The following WDR27 variants were observed in gnomAD, a reference collection of about 807,000 sequenced individuals.
WDR27 encodes the protein WD repeat-containing protein 27.
A neutral mutation model predicts 114.4 loss-of-function variants in WDR27; 100 were observed. That is an observed-to-expected ratio of 0.87 (90% CI 0.74 to 1.03). The LOEUF is 1.03. WDR27 is among the 50% of genes least tolerant of loss of function. The probability of loss-of-function intolerance (pLI) is 0.00; values close to 1 mark genes in which losing one functional copy is unlikely to be tolerated. For missense variants in WDR27, 1,129 were observed against 1,092.9 expected (o/e 1.03, Z -0.47); for synonymous variants, 449 against 423.1 (o/e 1.06, Z -0.75).
chr6:169,668,222 G>A (rs1178526466), intron 4 of WDR27, 37 bp from the exon 5 acceptor site: 2 of 1,604,444 alleles, frequency 1.2e-6, no homozygotes, highest in South Asian at 1.1e-5. Flanking sequence ...CTCTGTTCAA[G>A]CTGGAATTCT....
chr6:169,450,276 G>C, the WDR27 span, among the ~76,000 whole-genome samples: 1 of 147,192 alleles, frequency 6.8e-6, no homozygotes, highest in Non-Finnish European at 1.5e-5. Context: ...CCAGGCAGCA[G>C]GGAGCCCTGG....
intron 23 of WDR27, among the ~76,000 whole-genome samples, chr6:169,592,560 T>A (rs139448351): frequency 9.7e-4 from 148 of 152,340 alleles, no homozygotes; most frequent in Middle Eastern, 3.4e-3. Context: ...AATCTTTCAC[T>A]TAATTATTTT....
At chr6:169,488,109 T>C (rs954855187) in intron 25 of WDR27, among the ~76,000 whole-genome samples, 1 of 152,168 alleles carries the variant, frequency 6.6e-6, no homozygotes, top group Admixed American at 6.5e-5. Context: ...TTTATTAACA[T>C]GGCATAAAGG....
At chr6:169,473,722 C>CAGT (rs1405135826) in intron 25 of WDR27, among the ~76,000 whole-genome samples, 1 of 152,104 alleles carries the variant, frequency 6.6e-6, no homozygotes, top group Non-Finnish European at 1.5e-5. Flanking sequence ...CAAGAATCAC[C>CAGT]AGTACTTCCT....
chr6:169,546,245 GCCCAGCAA>G, intron 25 of WDR27, among the ~76,000 whole-genome samples: 1 of 152,144 alleles, frequency 6.6e-6, no homozygotes. Context: ...ACAAGCAACT[GCCCAGCAA>G]CCCAGCAACT....
At chr6:169,700,090 T>C (rs1035780606) in intron 1 of WDR27, among the ~76,000 whole-genome samples, 5 of 152,204 alleles carry the variant, frequency 3.3e-5, no homozygotes, top group South Asian at 4.1e-4. Context: ...AAAACTGCTA[T>C]AGACCAGTGT....
At chr6:169,653,776 C>T (rs998015770) in intron 13 of WDR27, among the ~76,000 whole-genome samples, 2 of 152,112 alleles carry the variant, frequency 1.3e-5, no homozygotes, top group African/African-American at 2.4e-5. Context: ...CTGTGGATGG[C>T]GGCACCTCCA....
chr6:169,445,100 G>A, the WDR27 span, among the ~76,000 whole-genome samples: 1 of 152,192 alleles, frequency 6.6e-6, no homozygotes, highest in Admixed American at 6.5e-5. Context: ...GCTTGCCGTG[G>A]TCCCAGCCCA....
In WDR27 at chr6:169,481,794, C is replaced by T. The variant is rs558618160; in HGVS notation, c.2646-24160G>A. ...GAACTGTAACACTCACCGCAAAGGT[C>T]TGCACCTTCACTCCTGAAGCCAGTG... On this transcript the variant is annotated intron_variant, in intron 25 of 25. Coordinates refer to ENST00000448612, the MANE Select transcript of WDR27 (RefSeq NM_182552.5). Among the ~76,000 whole-genome samples the T allele has an allele frequency of 4.6e-5, 7 of 152,320 alleles. No individual in the cohort carries two copies. In the East Asian group the frequency reaches 1.2e-3, roughly 25 times the overall value.
intron 2 of WDR27, among the ~76,000 whole-genome samples, chr6:169,687,593 G>C (rs1783342195): frequency 6.6e-6 from 1 of 152,094 alleles, no homozygotes; most frequent in Non-Finnish European, 1.5e-5. Context: ...TCAACTGAAA[G>C]TCACACACCA....
chr6:169,612,391 G>A (rs575300585), intron 22 of WDR27, among the ~76,000 whole-genome samples: 1 of 152,300 alleles, frequency 6.6e-6, no homozygotes, highest in Admixed American at 6.5e-5. Flanking sequence ...CTGCACTCCA[G>A]CACTCCAGCC....
At chr6:169,614,234 C>A (rs1264438651) in intron 21 of WDR27, among the ~76,000 whole-genome samples, 1 of 152,116 alleles carries the variant, frequency 6.6e-6, no homozygotes, top group Admixed American at 6.5e-5. Flanking sequence ...CAAAACATCA[C>A]CTAAACATTT....
chr6:169,692,061 G>A (rs1186044598), intron 1 of WDR27, among the ~76,000 whole-genome samples: 4 of 128,358 alleles, frequency 3.1e-5, no homozygotes, highest in Non-Finnish European at 6.2e-5. Context: ...TGAGAGGGGG[G>A]AAAACTGCCT....
intron 24 of WDR27, among the ~76,000 whole-genome samples, chr6:169,575,282 C>CTCCCTCCCTCCCTCTCTCCATCCATCCA (rs1395606590): frequency 9.1e-4 from 96 of 105,124 alleles, no homozygotes; most frequent in Non-Finnish European, 1.4e-3. Flanking sequence ...CCATCCATCC[C>CTCCCTCCCTCCCTCTCTCCATCCATCCA]TCCCTCCCTC....
chr6:169,693,350 A>C (rs528104304), intron 1 of WDR27, among the ~76,000 whole-genome samples: 6 of 152,352 alleles, frequency 3.9e-5, no homozygotes, highest in Admixed American at 3.3e-4. Context: ...CTAAATCTTG[A>C]AACAAAACCT....
Position 169,463,200 on chromosome 6 carries a change from C to T in WDR27, c.2646-5566G>A, listed in dbSNP as rs574317591. Among the ~76,000 whole-genome samples the T allele has an allele frequency of 2.0e-5, 3 of 152,202 alleles. No homozygotes were observed. In the South Asian group the frequency reaches 6.2e-4, roughly 32 times the overall value. ...CTTCCAAAGGGGAGGAATACTATTCCTTACATGGAAGAAGAAGAGTGGAAT... is the reference window on the plus strand; with the variant it reads ...CTTCCAAAGGGGAGGAATACTATTCTTTACATGGAAGAAGAAGAGTGGAAT... On this transcript the variant is annotated intron_variant, in intron 25 of 25. Coordinates refer to ENST00000448612, the MANE Select transcript of WDR27 (RefSeq NM_182552.5).
chr6:169,644,190 A>G (rs916850315), intron 16 of WDR27, among the ~76,000 whole-genome samples: 1 of 125,628 alleles, frequency 8.0e-6, no homozygotes, highest in Non-Finnish European at 1.7e-5. Context: ...GTCACACTGT[A>G]GAAAAGCCTA....
intron 14 of WDR27, among the ~76,000 whole-genome samples, chr6:169,650,270 T>C (rs1375632593): frequency 8.8e-4 from 60 of 68,004 alleles, no homozygotes; most frequent in East Asian, 2.7e-3. Flanking sequence ...CCCCTCCATC[T>C]ACCCACCCAC....
the WDR27 span, among the ~76,000 whole-genome samples, chr6:169,436,750 C>T: frequency 6.6e-6 from 1 of 151,892 alleles, no homozygotes; most frequent in African/African-American, 2.4e-5. Flanking sequence ...AATACAGAAA[C>T]ATTAATTGCT....
Sources: allele counts gnomAD v4.1 joint callset (sites outside exome capture counted in the v4.1 genomes callset), GRCh38; gene constraint gnomAD v4.1.1; transcripts MANE v1.5; gene names NCBI Gene and HGNC (gene_info 2026-07-23, HGNC 2026-07-21).